ANKDD1A: variants seen among roughly 807,000 people sequenced by gnomAD.
The protein encoded by ANKDD1A is ankyrin repeat and death domain containing 1A, also known as ankyrin repeat and death domain-containing protein 1A.
In ANKDD1A, 59 loss-of-function variants were observed where a neutral mutation model predicts 63.5. The observed-to-expected ratio is 0.93, with a 90% CI of 0.75 to 1.15. The LOEUF (loss-of-function observed/expected upper bound fraction) is 1.15, where lower values mean the gene tolerates loss of function less well. Ranked by LOEUF, ANKDD1A falls within the 50% of genes most tolerant of loss-of-function variation. The pLI, the probability that ANKDD1A is intolerant of heterozygous loss-of-function variation, is 0.00. For synonymous variants in ANKDD1A, 266 were observed against 263.9 expected (o/e 1.01, Z -0.08); for missense variants, 632 against 656.4 (o/e 0.96, Z 0.41).
chr15:64,951,713 T>TCGTTCTTCCTTTCTTTTC, intron 14 of ANKDD1A, among the ~76,000 whole-genome samples: 1 of 115,186 alleles, frequency 8.7e-6, no homozygotes, highest in African/African-American at 3.6e-5. Context: ...CTTATTTTCT[T>TCGTTCTTCCTTTCTTTTC]TTTCTTCCCT....
At position 64,949,897 on chromosome 15, in the gene ANKDD1A, G is replaced by A. The variant is rs1348964095; in HGVS notation, c.1408G>A (p.Val470Met). Residue 470 changes from valine (V) to methionine (M), a missense_variant, in exon 14 of 15, where the codon GTG becomes ATG. Val to Met is a conservative substitution (Grantham distance 21, BLOSUM62 1). Transcript: ENST00000319580. ...AATGCTGCTCATTTGGCTGCATGGC[G>A]TGGCCACGGCTGGTGAGAACCCCAG... Reference protein sequence around the residue: ...HRMLLIWLHGVATAGENPSKA... With the variant: ...HRMLLIWLHGMATAGENPSKA... 31 of 1,606,906 alleles carry A rather than the reference G, an allele frequency of 1.9e-5. No homozygotes were observed. Among genetic ancestry groups the A allele is most frequent in the South Asian group, 1.1e-4 (10 of 91,092 alleles).
Position 64,957,587 on chromosome 15 carries a change from G to A in ANKDD1A, c.*399G>A, listed in dbSNP as rs1043133133. On this transcript the variant is annotated 3_prime_UTR_variant, in exon 15 of 15. Transcript: ENST00000319580. ...AAAATTTGGACAGCCATTTGCCATT[G>A]TAATTTTTATTCTTTTTTCTCCTGA... 1.3e-5 allele frequency: 2 copies of A among 152,472 alleles called. No individual in the cohort carries two copies. Among genetic ancestry groups the A allele is most frequent in the African/African-American group, 4.8e-5 (2 of 41,442 alleles). The allele number at this position is 152,472 out of a possible 1,614,324, so 9.4% of individuals were successfully genotyped here. A position where few individuals can be genotyped will look rare whatever the true frequency, so the allele number is the denominator to read the frequency against.
intron 3 of ANKDD1A, 91 bp from the exon 4 acceptor site, chr15:64,921,830 G>A (rs1210064696): frequency 9.2e-7 from 1 of 1,082,090 alleles, no homozygotes; most frequent in Non-Finnish European, 1.4e-6. Context: ...GTTCCTTCTG[G>A]TTGTATGGTT....
Position 64,927,004 on chromosome 15 carries a change from C to T in ANKDD1A, c.570+5C>T, listed in dbSNP as rs765820682. The T allele has an allele frequency of 2.9e-5, 46 of 1,613,934 alleles. No homozygotes were observed. The highest frequency in any genetic ancestry group is 1.6e-4 in the South Asian group (15 of 91,090). On this transcript the variant is annotated splice_donor_5th_base_variant and intron_variant, in intron 6 of 14. Coordinates refer to ENST00000319580, the MANE Select transcript of ANKDD1A (RefSeq NM_182703.6). The stretch of plus-strand genomic sequence containing the variant: ...GACCACAATGTCAAAGACAAGGTAC[C>T]GTGTCCGTGAGGCTCTGGGATCCTG...
chr15:64,949,970 C>A lies in ANKDD1A; in HGVS notation c.1481C>A (p.Ala494Asp). 6.2e-7 allele frequency: 1 copy of A among 1,609,250 alleles called. No homozygotes were observed. ...GLVAIGRRDL[A>D]GWSTMARSQL... ...GTGGCCATTGGCAGGAGGGACCTGG[C>A]TGGTAAGAGCGTACTCTGCTGGGCT... Residue 494 changes from alanine to aspartate, a missense_variant and splice_region_variant, in exon 14 of 15, where the codon GCT (alanine) becomes GAT (aspartate). Transcript: ENST00000319580.
intron 4 of ANKDD1A, among the ~76,000 whole-genome samples, chr15:64,923,909 G>A (rs1044411333): frequency 6.6e-6 from 1 of 152,230 alleles, no homozygotes; most frequent in South Asian, 2.1e-4. Context: ...GGGTGTATAT[G>A]GAGGGTGAGG....
intron 14 of ANKDD1A, among the ~76,000 whole-genome samples, chr15:64,951,670 T>TCC (rs2085281765): frequency 2.5e-4 from 5 of 19,758 alleles, no homozygotes; most frequent in East Asian, 0.021. Flanking sequence ...TTCTTTTTCT[T>TCC]TCTTTCCTTC....
intron 3 of ANKDD1A, among the ~76,000 whole-genome samples, chr15:64,918,278 A>G (rs2140365158): frequency 6.6e-6 from 1 of 152,362 alleles, no homozygotes. Context: ...AATAAAAAAT[A>G]AAACCATAAA....
chr15:64,941,836 T>C (rs2085187231), intron 9 of ANKDD1A, among the ~76,000 whole-genome samples: 1 of 151,978 alleles, frequency 6.6e-6, no homozygotes, highest in Non-Finnish European at 1.5e-5. Context: ...TGAAGGAGAG[T>C]TGGACTTGGA....
In ANKDD1A at chr15:64,943,537, A is replaced by C. The variant is rs767262945; in HGVS notation, c.1020A>C (p.Ala340=). The C allele has an allele frequency of 1.2e-6, 2 of 1,614,190 alleles. No individual in the cohort carries two copies. Among genetic ancestry groups the C allele is most frequent in the Non-Finnish European group, 8.5e-7 (1 of 1,180,034 alleles). The change falls in exon 11 of 15, where the codon GCA becomes GCC. Residue 340 remains alanine, a synonymous_variant. Transcript: ENST00000319580. Reference sequence around the variant, plus strand: ...CAGAGCACGCCTGGCAGGACATAGCAGATATGCTCCTCATTGCTGGGGTTG... The same window carrying C: ...CAGAGCACGCCTGGCAGGACATAGCCGATATGCTCCTCATTGCTGGGGTTG... ...LAAEHAWQDI[A]DMLLIAGVDL...
chr15:64,917,565 T>G, intron 3 of ANKDD1A, 51 bp downstream of exon 3: 1 of 1,523,474 alleles, frequency 6.6e-7, no homozygotes, highest in African/African-American at 1.4e-5. Context: ...GCACTGGAGA[T>G]CTCTCTGGGT....
chr15:64,935,457 C>CTT (rs2085122900), intron 9 of ANKDD1A, among the ~76,000 whole-genome samples: 3 of 151,862 alleles, frequency 2.0e-5, no homozygotes, highest in Admixed American at 6.6e-5. Flanking sequence ...GGGCGGATCA[C>CTT]GAGGTCAGGA....
rs538724850 is a variant in ANKDD1A, at chr15:64,927,059, G to A, written c.570+60G>A. 5.6e-4 allele frequency: 882 copies of A among 1,573,276 alleles called. 15 individuals carry two copies. The South Asian group carries it at 9.0e-3, about 16-fold the overall frequency. The stretch of plus-strand genomic sequence containing the variant: ...GGGTGCAAAACTTGCCACCTTCCAG[G>A]CTCTGGCTCCTCACCTGTGTCCACG... On this transcript the variant is annotated intron_variant, in intron 6 of 14. Transcript: ENST00000319580.
intron 6 of ANKDD1A, among the ~76,000 whole-genome samples, chr15:64,927,627 C>T (rs1476510814): frequency 1.5e-5 from 2 of 129,352 alleles, no homozygotes; most frequent in Non-Finnish European, 3.1e-5. Context: ...TTTTTTGAGA[C>T]GGAGTCTCGC....
chr15:64,927,323 C>T (rs1194313390), intron 6 of ANKDD1A, among the ~76,000 whole-genome samples: 2 of 152,092 alleles, frequency 1.3e-5, no homozygotes, highest in African/African-American at 4.8e-5. Flanking sequence ...GTAGTGCTGC[C>T]TGGAGTGGGT....
chr15:64,940,049 A>G (rs1036239575), intron 9 of ANKDD1A, among the ~76,000 whole-genome samples: 1 of 152,132 alleles, frequency 6.6e-6, no homozygotes, highest in African/African-American at 2.4e-5. Context: ...AGAGGATGAA[A>G]AAACAAGCTA....
At chr15:64,919,328 G>T (rs1192332166) in intron 3 of ANKDD1A, among the ~76,000 whole-genome samples, 1 of 152,136 alleles carries the variant, frequency 6.6e-6, no homozygotes, top group East Asian at 1.9e-4. Flanking sequence ...CCTTCCTCCT[G>T]CAGCCAGCCC....
chr15:64,939,798 CA>C (rs989229029), intron 9 of ANKDD1A, among the ~76,000 whole-genome samples: 2 of 151,894 alleles, frequency 1.3e-5, no homozygotes, highest in African/African-American at 4.8e-5. Context: ...CATCCACAGG[CA>C]AAAAAATGAG....
intron 3 of ANKDD1A, among the ~76,000 whole-genome samples, chr15:64,920,311 G>T (rs561869861): frequency 6.6e-6 from 1 of 152,168 alleles, no homozygotes; most frequent in Non-Finnish European, 1.5e-5. Context: ...CCTGGAGCAC[G>T]GTGCAGATGT....
Sources: gnomAD v4.1 joint callset for allele counts (sites outside exome capture counted in the v4.1 genomes callset) on GRCh38, gnomAD v4.1.1 for gene constraint, MANE v1.5 for transcripts, NCBI Gene and HGNC (gene_info 2026-07-23, HGNC 2026-07-21) for gene names.